Variants in SNX1 observed in about 807,000 individuals in gnomAD.
The protein encoded by SNX1 is sorting nexin-1.
SNX1 carries 36 observed loss-of-function variants against 71.8 expected under a neutral mutation model. The ratio of observed to expected loss-of-function variants is 0.50; its 90% CI spans 0.38 to 0.66. SNX1 has a LOEUF of 0.66. SNX1 is among the 30% of genes least tolerant of loss of function. SNX1 has a pLI of 0.00. For missense variants in SNX1, 612 were observed against 646.7 expected, an observed-to-expected ratio of 0.95 and a Z score of 0.58; for synonymous variants, 254 against 240.7, an observed-to-expected ratio of 1.06 and a Z score of -0.51.
At chr15:64,097,156 G>C (rs1256304157) in intron 1 of SNX1, among the ~76,000 whole-genome samples, 1 of 152,130 alleles carries the variant, frequency 6.6e-6, no homozygotes, top group African/African-American at 2.4e-5. Context: ...AGGTGAATTG[G>C]CGTCCTGTGC....
chr15:64,124,278 G>A (rs1335948152), intron 5 of SNX1, among the ~76,000 whole-genome samples: 2 of 150,060 alleles, frequency 1.3e-5, no homozygotes, highest in African/African-American at 2.5e-5. Flanking sequence ...AGGCTGAGAC[G>A]GGCAGATCAC....
chr15:64,142,967 G>A lies in SNX1; in HGVS notation c.*5349G>A. The A allele has an allele frequency of 3.6e-6, 1 of 279,630 alleles. No homozygotes were observed. The highest frequency in any genetic ancestry group is 7.1e-6 in the Non-Finnish European group (1 of 141,634). 17.3% of individuals were successfully genotyped at this position (279,630 alleles called of 1,614,324 possible). A position where few individuals can be genotyped will look rare whatever the true frequency, so the allele number is the denominator to read the frequency against. Reference sequence around the variant, plus strand: ...GAACTCCTGGAAATCTCAGGATGGGGCCAAGATGTGGCTGGAGAGTGTGTG... The same window carrying A: ...GAACTCCTGGAAATCTCAGGATGGGACCAAGATGTGGCTGGAGAGTGTGTG... On this transcript the variant is annotated 3_prime_UTR_variant, in exon 15 of 15. Coordinates refer to ENST00000559844, the MANE Select transcript of SNX1 (RefSeq NM_003099.5).
Position 64,142,765 on chromosome 15 carries a change from G to C in SNX1, c.*5147G>C, listed in dbSNP as rs2081427698. ...TGGACTTCGAGCTGGTGTGATCCCAGTATTCAGTGTCAGTACTCAGTGACA... is the reference window on the plus strand; with the variant it reads ...TGGACTTCGAGCTGGTGTGATCCCACTATTCAGTGTCAGTACTCAGTGACA... On this transcript the variant is annotated 3_prime_UTR_variant, in exon 15 of 15. Transcript: ENST00000559844. 2.2e-6 allele frequency: 1 copy of C among 450,042 alleles called. No homozygotes were observed. 27.9% of individuals were successfully genotyped at this position (450,042 alleles called of 1,614,324 possible). A position where few individuals can be genotyped will look rare whatever the true frequency, so the allele number is the denominator to read the frequency against.
chr15:64,112,276 A>T (rs946296767), intron 1 of SNX1, among the ~76,000 whole-genome samples: 3 of 152,198 alleles, frequency 2.0e-5, no homozygotes, highest in African/African-American at 7.2e-5. Flanking sequence ...AAAGAGAAAT[A>T]CATTTGGACA....
rs555173837 is a variant in SNX1 at position 64,126,227 on chromosome 15, C to T, written c.652+7C>T. 6.2e-7 allele frequency: 1 copy of T among 1,610,228 alleles called. No homozygotes were observed. Among genetic ancestry groups the T allele is most frequent in the Admixed American group, 1.7e-5 (1 of 58,358 alleles). On this transcript the variant is annotated splice_region_variant and intron_variant, in intron 6 of 14. Coordinates refer to ENST00000559844, the MANE Select transcript of SNX1 (RefSeq NM_003099.5). The stretch of plus-strand genomic sequence containing the variant: ...CCGGAGAAGAGCCTCATAGGTAAGC[C>T]TGTGGTCTTTCATTCCACTTGGATT...
At chr15:64,096,579 A>T (rs1308818677) in intron 1 of SNX1, among the ~76,000 whole-genome samples, 1 of 152,216 alleles carries the variant, frequency 6.6e-6, no homozygotes, top group Non-Finnish European at 1.5e-5. Context: ...GAATAGCGTT[A>T]TGTGGACTAG....
rs2081293669 is a variant in SNX1, at chr15:64,130,303, C to G, written c.997C>G (p.Leu333Val). 6.2e-7 allele frequency: 1 copy of G among 1,613,906 alleles called. No individual in the cohort carries two copies. Among genetic ancestry groups the G allele is most frequent in the South Asian group, 1.1e-5 (1 of 91,066 alleles). The change falls in exon 10 of 15, where the codon CTA (leucine) becomes GTA (valine). Residue 333 changes from leucine (L) to valine (V), a missense_variant. Physicochemically the swap from Leu to Val is conservative, Grantham distance 32 (BLOSUM62 1). This residue lies in a region of SNX1 where 296 missense variants were observed against 361.9 expected (regional missense o/e 0.82). Coordinates refer to ENST00000559844, the MANE Select transcript of SNX1 (RefSeq NM_003099.5). ...LRKLHAVVET[L>V]VNHRKELALN... ...GAAACTGCATGCTGTTGTAGAAACTCTAGTCAACCATAGGAAAGGTAACAA... is the reference window on the plus strand; with the variant it reads ...GAAACTGCATGCTGTTGTAGAAACTGTAGTCAACCATAGGAAAGGTAACAA...
chr15:64,113,521 T>C (rs72755079), intron 2 of SNX1, among the ~76,000 whole-genome samples: 6,910 of 152,220 alleles, frequency 0.045, 197 homozygotes, highest in South Asian at 0.084. Flanking sequence ...GAAAAAACCC[T>C]GTCTAAAGTG....
At position 64,142,865 on chromosome 15, in the gene SNX1, G is replaced by T. The variant is rs974639302; in HGVS notation, c.*5247G>T. ...CAGCAACTGTTAACTCTTCCCAGAAGATTTTCATTCTGAATGCTCCTGTAG... is the reference window on the plus strand; with the variant it reads ...CAGCAACTGTTAACTCTTCCCAGAATATTTTCATTCTGAATGCTCCTGTAG... On this transcript the variant is annotated 3_prime_UTR_variant, in exon 15 of 15. Coordinates refer to ENST00000559844, the MANE Select transcript of SNX1 (RefSeq NM_003099.5). 2.2e-5 allele frequency: 7 copies of T among 318,758 alleles called. No homozygotes were observed. The highest frequency in any genetic ancestry group is 1.3e-4 in the African/African-American group (6 of 45,456). The allele number at this position is 318,758 out of a possible 1,614,324, so 19.7% of individuals were successfully genotyped here. A position where few individuals can be genotyped will look rare whatever the true frequency, so the allele number is the denominator to read the frequency against.
intron 5 of SNX1, among the ~76,000 whole-genome samples, chr15:64,125,752 G>A (rs1036112007): frequency 7.9e-5 from 12 of 152,144 alleles, no homozygotes; most frequent in Non-Finnish European, 1.6e-4. Context: ...TTCTTAACCT[G>A]GGAATGAAAC....
At chr15:64,117,540 G>A (rs1379436905) in intron 2 of SNX1, among the ~76,000 whole-genome samples, 2 of 152,190 alleles carry the variant, frequency 1.3e-5, no homozygotes, top group Non-Finnish European at 2.9e-5. Context: ...TTACAGGCAT[G>A]AGCCGCCACG....
chr15:64,119,737 A>AC (rs1555491446), intron 4 of SNX1, among the ~76,000 whole-genome samples: 7,446 of 140,998 alleles, frequency 0.053, 209 homozygotes, highest in South Asian at 0.081. Flanking sequence ...AAAAAAAAAA[A>AC]ACACACACAC....
Position 64,142,768 on chromosome 15 carries a change from T to G in SNX1, c.*5150T>G. The stretch of plus-strand genomic sequence containing the variant: ...ACTTCGAGCTGGTGTGATCCCAGTA[T>G]TCAGTGTCAGTACTCAGTGACAAAA... On this transcript the variant is annotated 3_prime_UTR_variant, in exon 15 of 15. Transcript: ENST00000559844. 2.2e-6 allele frequency: 1 copy of G among 449,308 alleles called. No homozygotes were observed. Among genetic ancestry groups the G allele is most frequent in the Non-Finnish European group, 4.5e-6 (1 of 223,644 alleles). The allele number at this position is 449,308 out of a possible 1,614,324, so 27.8% of individuals were successfully genotyped here.
intron 11 of SNX1, 21 bp downstream of exon 11, chr15:64,131,913 C>A: frequency 6.2e-7 from 1 of 1,609,036 alleles, no homozygotes; most frequent in South Asian, 1.1e-5. Context: ...GTTTCCTTTT[C>A]TCCTCCTTCC....
chr15:64,140,823 G>C lies in SNX1; in HGVS notation c.*3205G>C, dbSNP rs2081404973. On this transcript the variant is annotated 3_prime_UTR_variant, in exon 15 of 15. Transcript: ENST00000559844. ...TGGTCTCGAACTCCTGACCTCAGGT[G>C]ATCTGCCCACCTCAACCTCCCAAAG... The C allele has an allele frequency of 6.6e-6, 1 of 152,160 alleles. No individual in the cohort carries two copies. The allele number at this position is 152,160 out of a possible 1,614,324, so 9.4% of individuals were successfully genotyped here. A position where few individuals can be genotyped will look rare whatever the true frequency, so the allele number is the denominator to read the frequency against.
In SNX1 at chr15:64,131,462, A is replaced by G. The variant is rs148481623; in HGVS notation, c.1016-225A>G. On this transcript the variant is annotated intron_variant, in intron 10 of 14. Transcript: ENST00000559844. ...TCCTTCAGGTAGGCCTAACCCAGTGAAACTCAGGACAGCTGGTGCCTCTCC... is the reference window on the plus strand; with the variant it reads ...TCCTTCAGGTAGGCCTAACCCAGTGGAACTCAGGACAGCTGGTGCCTCTCC... 2.1e-4 allele frequency among the ~76,000 whole-genome samples: 32 copies of G among 152,318 alleles called. No individual in the cohort carries two copies. The East Asian group carries it at 6.2e-3, about 29-fold the overall frequency.
At chr15:64,102,997 G>C (rs2140131200) in intron 1 of SNX1, among the ~76,000 whole-genome samples, 1 of 151,860 alleles carries the variant, frequency 6.6e-6, no homozygotes, top group African/African-American at 2.4e-5. Context: ...AAACTCCTGG[G>C]CTCAAGTGAT....
intron 2 of SNX1, among the ~76,000 whole-genome samples, chr15:64,116,438 A>T (rs1461183751): frequency 1.3e-5 from 2 of 152,182 alleles, no homozygotes; most frequent in South Asian, 4.1e-4. Flanking sequence ...GAGTCAGATT[A>T]TGTTACCACC....
At chr15:64,126,449 G>C (rs1004630720) in intron 6 of SNX1, among the ~76,000 whole-genome samples, 1 of 152,164 alleles carries the variant, frequency 6.6e-6, no homozygotes, top group African/African-American at 2.4e-5. Flanking sequence ...ATGTTCGTTT[G>C]TTTTCTGTTG....
Sources: gnomAD v4.1 joint callset for allele counts (sites outside exome capture counted in the v4.1 genomes callset) on GRCh38, gnomAD v4.1.1 for gene constraint, gnomAD v4.1.1 regional missense constraint, MANE v1.5 for transcripts, NCBI Gene and HGNC (gene_info 2026-07-23, HGNC 2026-07-21) for gene names.